Variants in KCNIP4 observed in about 807,000 individuals in gnomAD.
The protein encoded by KCNIP4 is Kv channel-interacting protein 4.
Under a neutral mutation model 34.0 loss-of-function variants are expected in KCNIP4, and 12 were observed. The observed-to-expected ratio is 0.35, with a 90% confidence interval of 0.23 to 0.57. The LOEUF (loss-of-function observed/expected upper bound fraction) is 0.57, where lower values mean the gene tolerates loss of function less well. Among genes scored for constraint, KCNIP4 ranks in the 20% least tolerant of loss-of-function variants. The probability of loss-of-function intolerance (pLI) is 0.83; values close to 1 mark genes in which losing one functional copy is unlikely to be tolerated. For missense variants in KCNIP4, 238 were observed against 311.7 expected (o/e 0.76, Z 1.78); for synonymous variants, 124 against 102.2 (o/e 1.21, Z -1.29).
intron 1 of KCNIP4, among the ~76,000 whole-genome samples, chr4:21,210,280 G>T (rs1419610071): frequency 2.0e-5 from 3 of 152,154 alleles, no homozygotes; most frequent in African/African-American, 7.2e-5. Context: ...TTATTAAACT[G>T]CCAAAGCCAG....
intron 1 of KCNIP4, among the ~76,000 whole-genome samples, chr4:21,233,902 C>A: frequency 7.9e-6 from 1 of 127,298 alleles, no homozygotes. Flanking sequence ...TCACATATAA[C>A]TAATATATAT....
intron 1 of KCNIP4, among the ~76,000 whole-genome samples, chr4:21,824,029 G>A (rs944074158): frequency 7.2e-5 from 11 of 152,126 alleles, no homozygotes; most frequent in Admixed American, 5.2e-4. Context: ...AATGGGGCTT[G>A]CTGCTTTTCA....
chr4:21,443,358 T>C (rs1441026133), intron 1 of KCNIP4, among the ~76,000 whole-genome samples: 2 of 152,222 alleles, frequency 1.3e-5, no homozygotes, highest in African/African-American at 2.4e-5. Flanking sequence ...GGCTTGCCCC[T>C]TCACTCCATA....
chr4:21,437,990 T>C (rs1310020369), intron 1 of KCNIP4, among the ~76,000 whole-genome samples: 1 of 151,954 alleles, frequency 6.6e-6, no homozygotes, highest in Non-Finnish European at 1.5e-5. Flanking sequence ...AGTTCATACA[T>C]GTAAACTCTG....
At chr4:21,357,598 G>A (rs1718767189) in intron 1 of KCNIP4, among the ~76,000 whole-genome samples, 1 of 152,156 alleles carries the variant, frequency 6.6e-6, no homozygotes. Flanking sequence ...TCAGACAAAT[G>A]CAAATCAAAA....
intron 1 of KCNIP4, among the ~76,000 whole-genome samples, chr4:20,927,869 T>C (rs1440730503): frequency 6.6e-6 from 1 of 152,174 alleles, no homozygotes; most frequent in Admixed American, 6.6e-5. Context: ...CAGACAACAA[T>C]GCAACAGCAT....
chr4:20,962,554 T>C (rs1045870175), intron 1 of KCNIP4, among the ~76,000 whole-genome samples: 1 of 152,198 alleles, frequency 6.6e-6, no homozygotes, highest in African/African-American at 2.4e-5. Flanking sequence ...CAGGTATACA[T>C]ACAGACATCA....
At position 21,645,880 on chromosome 4, in the gene KCNIP4, A is replaced by G. The variant is rs16871650; in HGVS notation, c.61+302691T>C. 7.1e-3 allele frequency among the ~76,000 whole-genome samples: 1,080 copies of G among 152,236 alleles called. 14 individuals are homozygous for G. Among genetic ancestry groups the G allele is most frequent in the African/African-American group, 0.024 (1,002 of 41,570 alleles). On this transcript the variant is annotated intron_variant, in intron 1 of 8. Transcript: ENST00000382152. ...GAGCAAAAGACTCTATAATTAGGTG[A>G]TGAATTCAGATCATTGGAGCACACA... is the stretch of plus-strand genomic sequence containing the variant.
At chr4:20,802,899 C>A (rs909343418) in intron 3 of KCNIP4, among the ~76,000 whole-genome samples, 1 of 151,858 alleles carries the variant, frequency 6.6e-6, no homozygotes, top group Non-Finnish European at 1.5e-5. Context: ...CACAGTGAAA[C>A]CCCGTCTCTA....
intron 1 of KCNIP4, among the ~76,000 whole-genome samples, chr4:21,366,382 A>G (rs755391923): frequency 1.3e-5 from 2 of 152,200 alleles, no homozygotes; most frequent in Non-Finnish European, 2.9e-5. Context: ...TCTTCCTCAT[A>G]TGGAAATCTT....
At chr4:21,764,447 T>G (rs1211849391) in intron 1 of KCNIP4, among the ~76,000 whole-genome samples, 1 of 152,138 alleles carries the variant, frequency 6.6e-6, no homozygotes, top group Non-Finnish European at 1.5e-5. Flanking sequence ...CCTTGGGCTA[T>G]ATCATGACAC....
chr4:21,731,641 T>C (rs960076709), intron 1 of KCNIP4, among the ~76,000 whole-genome samples: 5 of 152,178 alleles, frequency 3.3e-5, no homozygotes, highest in South Asian at 4.1e-4. Context: ...AAAATTTTAC[T>C]GATCTTCAAA....
chr4:21,025,609 A>G (rs1015383797), intron 1 of KCNIP4, among the ~76,000 whole-genome samples: 1 of 117,818 alleles, frequency 8.5e-6, no homozygotes, highest in Non-Finnish European at 1.6e-5. Context: ...GCTAGAGTGC[A>G]GTGGTGCGAT....
At chr4:21,593,248 A>G (rs955391570) in intron 1 of KCNIP4, among the ~76,000 whole-genome samples, 1 of 152,040 alleles carries the variant, frequency 6.6e-6, no homozygotes, top group Admixed American at 6.6e-5. Flanking sequence ...ATCAAGAATA[A>G]AATTCTTAAC....
chr4:21,924,837 T>C (rs1030420045), intron 1 of KCNIP4, among the ~76,000 whole-genome samples: 4 of 152,122 alleles, frequency 2.6e-5, no homozygotes, highest in Admixed American at 6.5e-5. Flanking sequence ...CACTCTTCTA[T>C]AATCTACCAC....
intron 1 of KCNIP4, among the ~76,000 whole-genome samples, chr4:20,886,662 C>A (rs969987480): frequency 2.6e-5 from 4 of 152,162 alleles, no homozygotes; most frequent in Admixed American, 2.0e-4. Context: ...GCCCTGAGAA[C>A]TCAGAAAAAC....
At chr4:21,527,697 T>C (rs367699190) in intron 1 of KCNIP4, among the ~76,000 whole-genome samples, 4 of 152,290 alleles carry the variant, frequency 2.6e-5, no homozygotes, top group African/African-American at 7.2e-5. Flanking sequence ...CCATTTACAA[T>C]GCCTTGAAAA....
At chr4:21,264,548 T>G (rs2109114354) in intron 1 of KCNIP4, among the ~76,000 whole-genome samples, 1 of 152,260 alleles carries the variant, frequency 6.6e-6, no homozygotes, top group Admixed American at 6.5e-5. Flanking sequence ...TTTATTCCTG[T>G]GTAAAATGAG....
intron 1 of KCNIP4, among the ~76,000 whole-genome samples, chr4:20,899,267 A>G (rs1324635164): frequency 6.6e-6 from 1 of 152,178 alleles, no homozygotes; most frequent in Non-Finnish European, 1.5e-5. Context: ...ACAACAAATC[A>G]ATGTCCCTAA....
Sources: allele counts gnomAD v4.1 joint callset (sites outside exome capture counted in the v4.1 genomes callset), GRCh38; gene constraint gnomAD v4.1.1; transcripts MANE v1.5; gene names NCBI Gene and HGNC (gene_info 2026-07-23, HGNC 2026-07-21).